Variants in OOSP1 observed in about 807,000 individuals in gnomAD.
OOSP1 encodes putative oocyte-secreted protein 1 homolog.
In OOSP1, 11 loss-of-function variants were observed where a neutral mutation model predicts 5.7. That is an observed-to-expected ratio of 1.94 (90% CI 1.22 to 3.20). The LOEUF (loss-of-function observed/expected upper bound fraction) is 3.20. Ranked by LOEUF, OOSP1 falls within the 30% of genes most tolerant of loss-of-function variation. The pLI is 0.00. For missense variants in OOSP1, 83 were observed against 54.1 expected (o/e 1.53, Z -1.67); for synonymous variants, 44 against 20.0 (o/e 2.20, Z -3.20).
exon 5 of OOSP1, chr11:59,957,363 T>C (rs949513987): frequency 2.5e-6 from 1 of 394,428 alleles, no homozygotes; most frequent in Non-Finnish European, 4.5e-6. Context: ...GGAGAGAACA[T>C]TAAATGTCAT....
chr11:59,950,127 T>C (rs1459351659), intron 4 of OOSP1, among the ~76,000 whole-genome samples: 1 of 152,182 alleles, frequency 6.6e-6, no homozygotes, highest in Non-Finnish European at 1.5e-5. Flanking sequence ...GACAGCTAGA[T>C]ATGAAATATG....
At chr11:59,955,992 C>T (rs1293531058) in intron 4 of OOSP1, among the ~76,000 whole-genome samples, 5 of 152,020 alleles carry the variant, frequency 3.3e-5, no homozygotes, top group South Asian at 2.1e-4. Flanking sequence ...GAACAAAGTA[C>T]GTGGAGCTGT....
rs544563782 is a variant in OOSP1 at position 59,942,287 on chromosome 11, TA to T, written c.77-553del. On this transcript the variant is annotated intron_variant, in intron 1 of 4. Coordinates refer to ENST00000646685, the Ensembl canonical transcript of OOSP1. Reference sequence around the variant, plus strand: ...CAGAAAATTATTTCCATTTCCAGAGTAAAAAAACTTAATGTCCAGATATTTC... The same window carrying T: ...CAGAAAATTATTTCCATTTCCAGAGTAAAAAACTTAATGTCCAGATATTTC... Among the ~76,000 whole-genome samples the T allele has an allele frequency of 5.1e-4, 77 of 152,186 alleles. No individual in the cohort carries two copies. The South Asian group carries it at 0.015, about 30-fold the overall frequency.
chr11:59,951,453 G>A (rs1853938884), intron 4 of OOSP1, among the ~76,000 whole-genome samples: 2 of 152,154 alleles, frequency 1.3e-5, no homozygotes, highest in South Asian at 2.1e-4. Context: ...CATATACAGC[G>A]CCTGAATTCA....
intron 3 of OOSP1, among the ~76,000 whole-genome samples, chr11:59,947,246 A>AT (rs1565232478): frequency 6.6e-6 from 1 of 151,642 alleles, no homozygotes; most frequent in Non-Finnish European, 1.5e-5. Flanking sequence ...GTATGAATGT[A>AT]TTTTTTCCTT....
At chr11:59,939,783 TTTC>T (rs1853806751) in intron 1 of OOSP1, among the ~76,000 whole-genome samples, 1 of 151,922 alleles carries the variant, frequency 6.6e-6, no homozygotes, top group African/African-American at 2.4e-5. Context: ...CATCTTTCTC[TTTC>T]TTTTCTTTTT....
At chr11:59,957,048 A>C (rs1854000109) in intron 4 of OOSP1, 147 bp from the exon 5 acceptor site, 1 of 381,222 alleles carries the variant, frequency 2.6e-6, no homozygotes, top group Non-Finnish European at 4.6e-6. Context: ...ATAACAGATC[A>C]TCTAATTTTA....
chr11:59,957,044 G>A (rs976610778), intron 4 of OOSP1, among the ~76,000 whole-genome samples, 151 bp from the exon 5 acceptor site: 9 of 152,052 alleles, frequency 5.9e-5, no homozygotes. Flanking sequence ...TCATATAACA[G>A]ATCATCTAAT....
chr11:59,946,295 A>G (rs1853882997), intron 3 of OOSP1, among the ~76,000 whole-genome samples: 2 of 152,176 alleles, frequency 1.3e-5, no homozygotes, highest in Admixed American at 6.5e-5. Context: ...GCATCCCCAA[A>G]CCATCACCCC....
intron 2 of OOSP1, among the ~76,000 whole-genome samples, chr11:59,943,898 A>T (rs1198393754): frequency 6.6e-6 from 1 of 152,242 alleles, no homozygotes; most frequent in African/African-American, 2.4e-5. Flanking sequence ...TCATTATCCC[A>T]AATAAAACGC....
At chr11:59,944,368 G>C (rs1384646147) in intron 2 of OOSP1, among the ~76,000 whole-genome samples, 1 of 124,320 alleles carries the variant, frequency 8.0e-6, no homozygotes, top group Non-Finnish European at 1.7e-5. Context: ...CGGGGGGGGG[G>C]CAGGGAATAT....
intron 2 of OOSP1, among the ~76,000 whole-genome samples, chr11:59,943,626 C>T (rs1853853479): frequency 6.6e-6 from 1 of 152,198 alleles, no homozygotes; most frequent in Non-Finnish European, 1.5e-5. Flanking sequence ...AGTTTTTCAA[C>T]AGTTTCTCTA....
exon 2 of OOSP1, chr11:59,942,879 T>C (rs1181085899): frequency 1.3e-5 from 9 of 702,872 alleles, no homozygotes; most frequent in Middle Eastern, 2.3e-4. Flanking sequence ...GTTTTGGTTC[T>C]TTGCCAGGAT....
chr11:59,946,927 CT>C (rs1204615556), intron 3 of OOSP1, among the ~76,000 whole-genome samples: 1 of 136,850 alleles, frequency 7.3e-6, no homozygotes, highest in Non-Finnish European at 1.6e-5. Flanking sequence ...ATCTATCTAT[CT>C]ATCTATCTAT....
chr11:59,942,002 T>C (rs913086454), intron 1 of OOSP1, among the ~76,000 whole-genome samples: 4 of 152,220 alleles, frequency 2.6e-5, no homozygotes, highest in Admixed American at 2.6e-4. Flanking sequence ...TTGCAATATG[T>C]ATAGCCCCTT....
chr11:59,948,002 A>C (rs764137686), intron 4 of OOSP1, 140 bp downstream of exon 4: 113 of 394,642 alleles, frequency 2.9e-4, no homozygotes, highest in Non-Finnish European at 4.3e-4. Flanking sequence ...CAAGAATGCA[A>C]ATTCATGATT....
chr11:59,956,437 A>G lies in OOSP1; in HGVS notation c.487-758A>G, dbSNP rs572668957. The stretch of plus-strand genomic sequence containing the variant: ...GATCTCAGGAGCCCTATTTTGTTGT[A>G]TATCCTCTGCCCTGATTTGAAGAAA... On this transcript the variant is annotated intron_variant, in intron 4 of 4. Transcript: ENST00000646685. Among the ~76,000 whole-genome samples, 5 of 151,992 alleles carry G rather than the reference A, an allele frequency of 3.3e-5. No homozygotes were observed. In the East Asian group the frequency reaches 7.7e-4, roughly 24 times the overall value.
intron 1 of OOSP1, among the ~76,000 whole-genome samples, chr11:59,939,118 C>T (rs983659114): frequency 6.6e-6 from 1 of 152,070 alleles, no homozygotes; most frequent in African/African-American, 2.4e-5. Flanking sequence ...GTTTCTCTTC[C>T]TCTATTTCTG....
chr11:59,940,059 G>A (rs920285864), intron 1 of OOSP1, among the ~76,000 whole-genome samples: 4 of 152,218 alleles, frequency 2.6e-5, no homozygotes, highest in Admixed American at 2.6e-4. Context: ...AATTTCTAAG[G>A]TTAAGATTTC....
Sources: gnomAD v4.1 joint callset for allele counts (sites outside exome capture counted in the v4.1 genomes callset) on GRCh38, gnomAD v4.1.1 for gene constraint, MANE v1.5 for transcripts, NCBI Gene and HGNC (gene_info 2026-07-23, HGNC 2026-07-21) for gene names.